The following ZNF813 variants were observed in gnomAD, a reference collection of about 807,000 sequenced individuals.
The protein encoded by ZNF813 is zinc finger protein 813.
In ZNF813, 3 loss-of-function variants were observed where a neutral mutation model predicts 7.2. The ratio of observed to expected loss-of-function variants is 0.42; its 90% CI spans 0.19 to 1.08. The LOEUF is 1.08. Ranked by LOEUF, ZNF813 falls within the 50% of genes least tolerant of loss-of-function variation. The pLI, the probability that ZNF813 is intolerant of heterozygous loss-of-function variation, is 0.30. For missense variants in ZNF813, 714 were observed against 753.3 expected (o/e 0.95, Z 0.61); for synonymous variants, 227 against 256.3 (o/e 0.89, Z 1.09).
intron 1 of ZNF813, among the ~76,000 whole-genome samples, chr19:53,476,750 G>A (rs1000471096): frequency 9.2e-5 from 14 of 151,896 alleles, no homozygotes; most frequent in Admixed American, 5.9e-4. Context: ...GCCTCCTCCC[G>A]CCTCCTGGGT....
chr19:53,471,053 G>A (rs2086356417), intron 1 of ZNF813, among the ~76,000 whole-genome samples: 1 of 152,138 alleles, frequency 6.6e-6, no homozygotes, highest in South Asian at 2.1e-4. Flanking sequence ...CTTTCAGGGG[G>A]CCAATCTGTG....
intron 1 of ZNF813, among the ~76,000 whole-genome samples, chr19:53,476,974 T>C (rs1376503595): frequency 6.6e-6 from 1 of 152,174 alleles, no homozygotes; most frequent in East Asian, 1.9e-4. Flanking sequence ...GGGAGAGTTT[T>C]TAAACCTTTG....
At chr19:53,472,102 T>C (rs1600108045) in intron 1 of ZNF813, among the ~76,000 whole-genome samples, 1 of 152,064 alleles carries the variant, frequency 6.6e-6, no homozygotes, top group South Asian at 2.1e-4. Context: ...TGATAACATA[T>C]AGGTAGGTTT....
In ZNF813 at chr19:53,472,355, A is replaced by G. The variant is rs565069779; in HGVS notation, c.-74+4566A>G. Among the ~76,000 whole-genome samples, 13 of 152,282 alleles carry G rather than the reference A, an allele frequency of 8.5e-5. No homozygotes were observed. The East Asian group carries it at 2.3e-3, about 27-fold the overall frequency. ...TGCATACATATTTGTAGTCATTTCT[A>G]TAGTATCTTTATACAGGTAGGTTAC... is the stretch of plus-strand genomic sequence containing the variant. On this transcript the variant is annotated intron_variant, in intron 1 of 3. Coordinates refer to ENST00000396403, the MANE Select transcript of ZNF813 (RefSeq NM_001004301.4).
intron 2 of ZNF813, among the ~76,000 whole-genome samples, chr19:53,485,832 C>T (rs1257587900): frequency 6.6e-6 from 1 of 152,092 alleles, no homozygotes; most frequent in Non-Finnish European, 1.5e-5. Flanking sequence ...CACAAGCTCC[C>T]AAGTAGCTGG....
At chr19:53,469,411 C>T (rs1195782719) in intron 1 of ZNF813, among the ~76,000 whole-genome samples, 2 of 152,076 alleles carry the variant, frequency 1.3e-5, no homozygotes, top group Non-Finnish European at 2.9e-5. Flanking sequence ...TTACTCCAAA[C>T]CGTCATGTGA....
chr19:53,485,588 A>G lies in ZNF813; in HGVS notation c.16-1044A>G, dbSNP rs201274652. On this transcript the variant is annotated intron_variant, in intron 2 of 3. Transcript: ENST00000396403. ...CATATATACATGTATGTCATGACATATGTATGTCATGATATATATCGTGAT... is the reference window on the plus strand; with the variant it reads ...CATATATACATGTATGTCATGACATGTGTATGTCATGATATATATCGTGAT... 5.4e-3 allele frequency among the ~76,000 whole-genome samples: 250 copies of G among 45,980 alleles called. 1 individual carries two copies. The highest frequency in any genetic ancestry group is 0.01 in the Non-Finnish European group (188 of 18,094). The allele number at this position is 45,980 out of a possible 152,430, so 30.2% of individuals were successfully genotyped here. A position where few individuals can be genotyped will look rare whatever the true frequency, so the allele number is the denominator to read the frequency against.
intron 1 of ZNF813, among the ~76,000 whole-genome samples, chr19:53,471,015 G>A (rs1043402322): frequency 6.6e-6 from 1 of 152,176 alleles, no homozygotes; most frequent in African/African-American, 2.4e-5. Context: ...TTTGTGCCCA[G>A]GTAGCTGGCC....
chr19:53,471,788 C>G (rs2617695), intron 1 of ZNF813, among the ~76,000 whole-genome samples: 70,724 of 140,468 alleles, frequency 0.5, 17,682 homozygotes, highest in African/African-American at 0.59. Context: ...CTCCAGCCTG[C>G]GTGACAGAGT....
At chr19:53,475,258 T>C (rs1352953085) in intron 1 of ZNF813, among the ~76,000 whole-genome samples, 1 of 152,256 alleles carries the variant, frequency 6.6e-6, no homozygotes, top group Non-Finnish European at 1.5e-5. Flanking sequence ...TAATTCTGCC[T>C]TTTGAGCTGA....
rs1404587185 is a variant in ZNF813 at position 53,482,910 on chromosome 19, T to A, written c.-73-840T>A. On this transcript the variant is annotated intron_variant, in intron 1 of 3. Transcript: ENST00000396403. ...CAGCTAATTATTGTATTTTTATTTT[T>A]ATTTTATTTTATTTTATTTTATTTT... 1.5e-5 allele frequency among the ~76,000 whole-genome samples: 2 copies of A among 136,176 alleles called. 1 individual carries two copies. Among genetic ancestry groups the A allele is most frequent in the African/African-American group, 7.1e-5 (2 of 28,350 alleles). 89.3% of individuals were successfully genotyped at this position (136,176 alleles called of 152,430 possible). A position where few individuals can be genotyped will look rare whatever the true frequency, so the allele number is the denominator to read the frequency against.
intron 1 of ZNF813, among the ~76,000 whole-genome samples, chr19:53,483,513 G>A (rs1272792020): frequency 2.6e-5 from 4 of 152,104 alleles, no homozygotes; most frequent in Non-Finnish European, 4.4e-5. Flanking sequence ...GTCAGGCCTG[G>A]GTCTGTGCCC....
At chr19:53,479,241 A>C in intron 1 of ZNF813, 3 of 1,114,258 alleles carry the variant, frequency 2.7e-6, no homozygotes, top group Non-Finnish European at 1.3e-6. Context: ...AGCTGAGATA[A>C]ATCTTAGTTT....
intron 3 of ZNF813, among the ~76,000 whole-genome samples, chr19:53,489,013 CA>C (rs1353427839): frequency 6.6e-6 from 1 of 151,836 alleles, no homozygotes. Flanking sequence ...TAGTTAATGT[CA>C]TTTTTTTTTG....
chr19:53,491,249 G>T lies in ZNF813; in HGVS notation c.1017G>T (p.Thr339=), dbSNP rs370886090. Residue 339 remains threonine (T), a synonymous_variant, in exon 4 of 4, where the codon ACG becomes ACT. Coordinates refer to ENST00000396403, the MANE Select transcript of ZNF813 (RefSeq NM_001004301.4). ...AATGTGGCAAGACCTTTAGTCAGAC[G>T]TCATCCCTTACATGCCATCGTAGAC... ...CNECGKTFSQ[T]SSLTCHRRLH... The T allele has an allele frequency of 6.2e-7, 1 of 1,613,842 alleles. No individual in the cohort carries two copies.
At chr19:53,471,654 A>C (rs915897518) in intron 1 of ZNF813, among the ~76,000 whole-genome samples, 4 of 151,956 alleles carry the variant, frequency 2.6e-5, no homozygotes, top group Middle Eastern at 3.4e-3. Flanking sequence ...CTAAAAATAC[A>C]AAAAGCAATT....
At chr19:53,474,505 G>A (rs1325629134) in intron 1 of ZNF813, among the ~76,000 whole-genome samples, 2 of 152,126 alleles carry the variant, frequency 1.3e-5, no homozygotes, top group Non-Finnish European at 2.9e-5. Context: ...TGAGCAACAT[G>A]GTGACGTCCA....
Position 53,492,468 on chromosome 19 carries a change from G to A in ZNF813, c.*382G>A. 2.4e-6 allele frequency: 1 copy of A among 420,184 alleles called. No homozygotes were observed. Among genetic ancestry groups the A allele is most frequent in the Non-Finnish European group, 4.7e-6 (1 of 214,332 alleles). The allele number at this position is 420,184 out of a possible 1,614,324, so 26.0% of individuals were successfully genotyped here. ...CTGCAGAGAAACCATAAAATTGTAA[G>A]AGTTCGTGACAAGGCTTTCGGGCAT... On this transcript the variant is annotated 3_prime_UTR_variant, in exon 4 of 4. Coordinates refer to ENST00000396403, the MANE Select transcript of ZNF813 (RefSeq NM_001004301.4).
intron 2 of ZNF813, among the ~76,000 whole-genome samples, chr19:53,484,197 G>A (rs1329522998): frequency 6.6e-6 from 1 of 152,148 alleles, no homozygotes; most frequent in African/African-American, 2.4e-5. Flanking sequence ...GCTGCCAATG[G>A]AAGTCACATA....
Sources: gnomAD v4.1 joint callset for allele counts (sites outside exome capture counted in the v4.1 genomes callset) on GRCh38, gnomAD v4.1.1 for gene constraint, MANE v1.5 for transcripts, NCBI Gene and HGNC (gene_info 2026-07-23, HGNC 2026-07-21) for gene names.